The following TMEM161B variants were observed in gnomAD, a reference collection of about 807,000 sequenced individuals.
The protein encoded by TMEM161B is transmembrane protein 161B.
Under a neutral mutation model 61.8 loss-of-function variants are expected in TMEM161B, and 34 were observed. The observed-to-expected ratio is 0.55, with a 90% CI of 0.42 to 0.73. TMEM161B has a LOEUF of 0.73. Ranked by LOEUF, TMEM161B falls within the 30% of genes least tolerant of loss-of-function variation. TMEM161B has a pLI of 0.00. For synonymous variants in TMEM161B, 167 were observed against 192.8 expected (o/e 0.87, Z 1.11); for missense variants, 456 against 558.5 (o/e 0.82, Z 1.85).
intron 5 of TMEM161B, among the ~76,000 whole-genome samples, chr5:88,212,828 G>A (rs567801523): frequency 1.3e-5 from 2 of 152,262 alleles, no homozygotes; most frequent in South Asian, 4.1e-4. Context: ...TTATCTCAAT[G>A]CTCTTTTGAG....
chr5:88,203,027 G>A lies in TMEM161B; in HGVS notation c.849C>T (p.Leu283=), dbSNP rs776837630. The A allele has an allele frequency of 1.9e-6, 3 of 1,611,482 alleles. No individual in the cohort carries two copies. Among genetic ancestry groups the A allele is most frequent in the Admixed American group, 3.3e-5 (2 of 59,906 alleles). ...NFLAPLFMVL[L]WVKPITKDYI... ...AGTCTTTGGTGATTGGTTTTACCCA[G>A]AGCAGAACCATAAATAAAGGTGCCA... The change falls in exon 9 of 12, where the codon CTC becomes CTT. Residue 283 remains leucine (L), a synonymous_variant. Transcript: ENST00000296595.
chr5:88,186,736 C>A (rs1748374946), downstream of TMEM161B, among the ~76,000 whole-genome samples: 1 of 151,844 alleles, frequency 6.6e-6, no homozygotes, highest in Non-Finnish European at 1.5e-5. Context: ...TCGAGACCAG[C>A]CTGGCCAAAA....
Position 88,203,147 on chromosome 5 carries a change from C to T in TMEM161B, c.801-72G>A, listed in dbSNP as rs745495954. On this transcript the variant is annotated intron_variant, in intron 8 of 11. Transcript: ENST00000296595. ...GCTAATAAACTACAGAAGCTGGGGT[C>T]TTACTAAAATGGAGGTAGGAGCTTA... 4.2e-5 allele frequency: 39 copies of T among 924,932 alleles called. No individual in the cohort carries two copies. In the Middle Eastern group the frequency reaches 1.2e-3, roughly 29 times the overall value. The allele number at this position is 924,932 out of a possible 1,614,324, so 57.3% of individuals were successfully genotyped here. A position where few individuals can be genotyped will look rare whatever the true frequency, so the allele number is the denominator to read the frequency against.
chr5:88,208,955 T>C (rs965300370), intron 5 of TMEM161B, among the ~76,000 whole-genome samples: 2 of 152,196 alleles, frequency 1.3e-5, no homozygotes, highest in African/African-American at 4.8e-5. Context: ...CTCACACACA[T>C]AGTCTGAAGG....
chr5:88,254,792 T>C (rs1360370636), intron 1 of TMEM161B, among the ~76,000 whole-genome samples: 1 of 150,984 alleles, frequency 6.6e-6, no homozygotes, highest in South Asian at 2.1e-4. Context: ...CAGTGAGCCA[T>C]GAGTGCACCA....
chr5:88,228,867 CATTA>C (rs1241799445), intron 2 of TMEM161B, among the ~76,000 whole-genome samples: 1 of 152,144 alleles, frequency 6.6e-6, no homozygotes, highest in Non-Finnish European at 1.5e-5. Context: ...GGCAGGAGCA[CATTA>C]ATTCTCTACT....
chr5:88,191,466 T>G (rs1222150763), downstream of TMEM161B, among the ~76,000 whole-genome samples: 1 of 152,206 alleles, frequency 6.6e-6, no homozygotes, highest in African/African-American at 2.4e-5. Context: ...TATGGCACAT[T>G]ACAGGCACTC....
intron 1 of TMEM161B, among the ~76,000 whole-genome samples, chr5:88,262,475 A>C (rs1755805028): frequency 6.6e-6 from 1 of 152,194 alleles, no homozygotes; most frequent in African/African-American, 2.4e-5. Flanking sequence ...CTTTGTTCAT[A>C]ATTGCCAAAA....
chr5:88,204,984 A>G (rs1003020841), intron 8 of TMEM161B, among the ~76,000 whole-genome samples: 1 of 152,228 alleles, frequency 6.6e-6, no homozygotes, highest in South Asian at 2.1e-4. Flanking sequence ...AAGATTACCC[A>G]GATAAACTTA....
At chr5:88,239,657 TCA>T (rs1264403321) in intron 2 of TMEM161B, among the ~76,000 whole-genome samples, 3 of 152,008 alleles carry the variant, frequency 2.0e-5, no homozygotes, top group African/African-American at 7.2e-5. Context: ...CACCTGTGTA[TCA>T]CATTGTTCCA....
chr5:88,266,933 C>T (rs1391970679), intron 1 of TMEM161B, among the ~76,000 whole-genome samples: 2 of 152,156 alleles, frequency 1.3e-5, no homozygotes, highest in Non-Finnish European at 2.9e-5. Flanking sequence ...CATAAGATTA[C>T]ATTAGTTCCA....
intron 5 of TMEM161B, among the ~76,000 whole-genome samples, chr5:88,210,134 T>C (rs987117429): frequency 4.6e-5 from 7 of 152,170 alleles, no homozygotes; most frequent in Admixed American, 1.3e-4. Context: ...AAAATTAATT[T>C]CTCTGTGTCT....
downstream of TMEM161B, among the ~76,000 whole-genome samples, chr5:88,190,643 G>A (rs145380785): frequency 6.6e-6 from 1 of 152,310 alleles, no homozygotes; most frequent in Admixed American, 6.5e-5. Context: ...GCTCGCTGGT[G>A]TCCTTTGCAA....
chr5:88,198,914 T>A (rs1750172898), intron 10 of TMEM161B, 62 bp downstream of exon 10: 3 of 1,374,978 alleles, frequency 2.2e-6, no homozygotes, highest in Non-Finnish European at 2.9e-6. Flanking sequence ...GAAACCAATT[T>A]TTTTTTTTTT....
At chr5:88,189,575 C>A (rs2112294327), downstream of TMEM161B, 1 of 154,140 alleles carries the variant, frequency 6.5e-6, no homozygotes, top group South Asian at 2.0e-4. Context: ...TTGATCCACA[C>A]TCAATCACCT....
At position 88,217,483 on chromosome 5, in the gene TMEM161B, A is replaced by C. The variant is rs375614505; in HGVS notation, c.446+3080T>G. On this transcript the variant is annotated intron_variant, in intron 5 of 11. Transcript: ENST00000296595. ...TTTTACTGCAAAACTCCCCAAAAGG[A>C]TAAGGAATTGGTTAGATGACAAATA... 1.3e-3 allele frequency among the ~76,000 whole-genome samples: 195 copies of C among 151,754 alleles called. 1 individual carries two copies. Among genetic ancestry groups the C allele is most frequent in the African/African-American group, 4.3e-3 (179 of 41,374 alleles).
chr5:88,235,384 A>T (rs1003112232), intron 2 of TMEM161B, among the ~76,000 whole-genome samples: 16 of 152,178 alleles, frequency 1.1e-4, no homozygotes, highest in Non-Finnish European at 2.4e-4. Context: ...CTATAGACTG[A>T]ATGTTTATGG....
chr5:88,199,311 C>T (rs2112346511), intron 9 of TMEM161B, 161 bp from the exon 10 acceptor site: 1 of 566,918 alleles, frequency 1.8e-6, no homozygotes, highest in East Asian at 3.2e-5. Flanking sequence ...CTGTATAATA[C>T]TTTAACTTGA....
At chr5:88,216,834 T>C (rs1341491643) in intron 5 of TMEM161B, among the ~76,000 whole-genome samples, 1 of 152,048 alleles carries the variant, frequency 6.6e-6, no homozygotes, top group Non-Finnish European at 1.5e-5. Flanking sequence ...CAAGAACAGA[T>C]AATAGAAAAA....
Sources: gnomAD v4.1 joint callset for allele counts (sites outside exome capture counted in the v4.1 genomes callset) on GRCh38, gnomAD v4.1.1 for gene constraint, MANE v1.5 for transcripts, NCBI Gene and HGNC (gene_info 2026-07-23, HGNC 2026-07-21) for gene names.